The following KRT37 variants were observed in gnomAD, a reference collection of about 807,000 sequenced individuals.
KRT37 encodes keratin, type I cuticular Ha7.
A neutral mutation model predicts 41.9 loss-of-function variants in KRT37; 38 were observed. That is an observed-to-expected ratio of 0.91 (90% confidence interval 0.70 to 1.19). The LOEUF (loss-of-function observed/expected upper bound fraction) is 1.19, where lower values mean the gene tolerates loss of function less well. Ranked by LOEUF, KRT37 falls within the 50% of genes most tolerant of loss-of-function variation. KRT37 has a pLI of 0.00. For synonymous variants in KRT37, 252 were observed against 243.4 expected, an observed-to-expected ratio of 1.04 and a Z score of -0.33; for missense variants, 580 against 575.5, an observed-to-expected ratio of 1.01 and a Z score of -0.08.
In KRT37 at chr17:41,422,141, G is replaced by A. The variant is rs1279858624; in HGVS notation, c.948C>T (p.Cys316=). The change falls in exon 5 of 7, where the codon TGC becomes TGT. Residue 316 remains cysteine (C), a synonymous_variant. Coordinates refer to ENST00000225550, the MANE Select transcript of KRT37 (RefSeq NM_003770.5). ...AMSCSEELQC[C]QSEILELRCT... is the part of the protein sequence containing the mutation. ...ATCTCAGCTCCAGGATCTCCGACTG[G>A]CAGCACTGCAGCTCCTCGGAGCAGG... is the stretch of plus-strand genomic sequence containing the variant. 1.6e-5 allele frequency: 26 copies of A among 1,614,062 alleles called. No individual in the cohort carries two copies. The highest frequency in any genetic ancestry group is 4.4e-5 in the South Asian group (4 of 91,088).
In KRT37 at chr17:41,422,807, G is replaced by T. The variant is rs78158550; in HGVS notation, c.703C>A (p.Gln235Lys). ...TCGTGGTTGCTCTTGAGGGAGAGCT[G>T]CTCCTCCTTCAGGGACTCCTGCTGG... is the stretch of plus-strand genomic sequence containing the variant. ...EAQQESLKEEQLSLKSNHEQE... is the reference protein window; with the variant it reads ...EAQQESLKEEKLSLKSNHEQE... Residue 235 changes from glutamine (Q) to lysine (K), a missense_variant, in exon 3 of 7, where the codon CAG becomes AAG. Physicochemically the swap from Gln to Lys is moderately conservative, Grantham distance 53. Coordinates refer to ENST00000225550, the MANE Select transcript of KRT37 (RefSeq NM_003770.5). 1.2e-6 allele frequency: 2 copies of T among 1,600,694 alleles called. No individual in the cohort carries two copies. Among genetic ancestry groups the T allele is most frequent in the East Asian group, 4.5e-5 (2 of 44,228 alleles).
chr17:41,420,652 C>A lies in KRT37; in HGVS notation c.*226G>T. The stretch of plus-strand genomic sequence containing the variant: ...GAACTAAAAGTACCAAGAAGAGACA[C>A]CAGGAAAAATAATTGCTTTCATGGA... On this transcript the variant is annotated 3_prime_UTR_variant, in exon 7 of 7. Coordinates refer to ENST00000225550, the MANE Select transcript of KRT37 (RefSeq NM_003770.5). 1 of 450,252 alleles carries A rather than the reference C, an allele frequency of 2.2e-6. No individual in the cohort carries two copies. Among genetic ancestry groups the A allele is most frequent in the Non-Finnish European group, 3.9e-6 (1 of 255,946 alleles). 27.9% of individuals were successfully genotyped at this position (450,252 alleles called of 1,614,324 possible).
In KRT37 at chr17:41,424,197, C is replaced by G; in HGVS notation, c.327G>C (p.Lys109Asn). The change falls in exon 1 of 7, where the codon AAG (lysine) becomes AAC (asparagine). Residue 109 changes from lysine (K) to asparagine (N), a missense_variant. Lys to Asn is a moderately conservative substitution (Grantham distance 94, BLOSUM62 0). Transcript: ENST00000225550. ...AGTTGGCCAGGCGGTCATTCAGGAA[C>G]TTCATGGTCTCCTTCTCATGGCCAT... ...TLNGHEKETM[K>N]FLNDRLANYL... 1.9e-6 allele frequency: 3 copies of G among 1,614,242 alleles called. No individual in the cohort carries two copies. The highest frequency in any genetic ancestry group is 2.5e-6 in the Non-Finnish European group (3 of 1,180,042).
At chr17:41,423,065 C>T in intron 2 of KRT37, 131 bp from the exon 3 acceptor site, 1 of 1,094,786 alleles carries the variant, frequency 9.1e-7, no homozygotes, top group Non-Finnish European at 1.3e-6. Context: ...ATTCTCAACC[C>T]TGCAGCGACA....
chr17:41,421,981 A>C (rs2018544787), intron 5 of KRT37, 88 bp downstream of exon 5: 3 of 1,597,696 alleles, frequency 1.9e-6, no homozygotes, highest in African/African-American at 2.7e-5. Context: ...TTAATGTTGA[A>C]GGAACTGATT....
rs1173235069 is a variant in KRT37 at position 41,422,954 on chromosome 17, A to G, written c.576-20T>C. ...TCCAGCCTTCCGTCACAGGAGGCAC[A>G]GGGTCAAAAAGAATGCCCCAATAGC... On this transcript the variant is annotated intron_variant, in intron 2 of 6. Coordinates refer to ENST00000225550, the MANE Select transcript of KRT37 (RefSeq NM_003770.5). The G allele has an allele frequency of 6.2e-7, 1 of 1,603,808 alleles. No homozygotes were observed.
At chr17:41,423,947 A>G (rs964690259) in intron 1 of KRT37, 85 bp downstream of exon 1, 1 of 1,603,758 alleles carries the variant, frequency 6.2e-7, no homozygotes, top group South Asian at 1.1e-5. Flanking sequence ...CAAGAACCCA[A>G]AGCTCTCTGG....
intron 2 of KRT37, 42 bp from the exon 3 acceptor site, chr17:41,422,976 T>TA: frequency 1.9e-6 from 3 of 1,588,124 alleles, no homozygotes; most frequent in Non-Finnish European, 2.6e-6. Context: ...AATGCCCCAA[T>TA]AGCCCCTCTC....
intron 3 of KRT37, 42 bp downstream of exon 3, chr17:41,422,736 G>A: frequency 6.7e-7 from 1 of 1,496,736 alleles, no homozygotes; most frequent in Non-Finnish European, 9.0e-7. Context: ...TCCCCTGTCT[G>A]CCCAGCGCCC....
rs764662391 is a variant in KRT37 at position 41,423,992 on chromosome 17, C to T, written c.492+40G>A. The T allele has an allele frequency of 1.0e-5, 16 of 1,605,242 alleles. No individual in the cohort carries two copies. In the South Asian group the frequency reaches 1.7e-4, roughly 17 times the overall value. On this transcript the variant is annotated intron_variant, in intron 1 of 6. Coordinates refer to ENST00000225550, the MANE Select transcript of KRT37 (RefSeq NM_003770.5). ...AGATTCCTCCTGCGAAGGCTTCTGC[C>T]TTCTCAGACCCAGCATGCCCAGGCG...
chr17:41,422,222 C>G (rs780780484), intron 4 of KRT37, 28 bp from the exon 5 acceptor site: 1 of 1,614,018 alleles, frequency 6.2e-7, no homozygotes, highest in Non-Finnish European at 8.5e-7. Flanking sequence ...ACAGTCACCT[C>G]CCTGCTCAGA....
intron 1 of KRT37, 23 bp downstream of exon 1, chr17:41,424,009 G>A (rs779702347): frequency 1.4e-5 from 23 of 1,608,896 alleles, no homozygotes; most frequent in Non-Finnish European, 1.9e-5. Context: ...GACCCAGCAT[G>A]CCCAGGCGAT....
At chr17:41,423,027 T>G in intron 2 of KRT37, 93 bp from the exon 3 acceptor site, 1 of 1,455,034 alleles carries the variant, frequency 6.9e-7, no homozygotes, top group Non-Finnish European at 9.3e-7. Flanking sequence ...CCTTGGATCC[T>G]TATTTGTTCA....
At position 41,424,491 on chromosome 17, in the gene KRT37, A is replaced by G; in HGVS notation, c.33T>C (p.Pro11=). The G allele has an allele frequency of 6.3e-7, 1 of 1,592,854 alleles. No individual in the cohort carries two copies. The highest frequency in any genetic ancestry group is 8.6e-7 in the Non-Finnish European group (1 of 1,166,016). The change falls in exon 1 of 7, where the codon CCT becomes CCC. Residue 11 remains proline (P), a synonymous_variant. Coordinates refer to ENST00000225550, the MANE Select transcript of KRT37 (RefSeq NM_003770.5). MTSFYSTSSC[P]LGCTMAPGAR... is the part of the protein sequence containing the mutation. ...CTCCAGGAGCCATGGTGCAACCCAG[A>G]GGGCATGAGGAGGTGCTGTAGAAGG...
In KRT37 at chr17:41,421,424, G is replaced by A; in HGVS notation, c.1184C>T (p.Ala395Val). Residue 395 changes from alanine to valine, a missense_variant, in exon 6 of 7, where the codon GCC becomes GTC. Transcript: ENST00000225550. ...TGTGGCAATCTCGTTCTCCAACCGG[G>A]CCTTCACGTCCAGCAGCACCTGGTA... is the stretch of plus-strand genomic sequence containing the variant. Reference protein sequence around the residue: ...QEYQVLLDVKARLENEIATYR... With the variant: ...QEYQVLLDVKVRLENEIATYR... 6 of 1,614,216 alleles carry A rather than the reference G, an allele frequency of 3.7e-6. No individual in the cohort carries two copies. The highest frequency in any genetic ancestry group is 4.2e-6 in the Non-Finnish European group (5 of 1,180,046).
intron 2 of KRT37, chr17:41,423,322 C>T (rs1026070721): frequency 1.6e-5 from 4 of 251,214 alleles, no homozygotes; most frequent in African/African-American, 8.9e-5. Flanking sequence ...CATTATTTCT[C>T]GTTGTTTTCT....
chr17:41,423,380 A>G, intron 2 of KRT37: 1 of 245,776 alleles, frequency 4.1e-6, no homozygotes, highest in Non-Finnish European at 7.7e-6. Context: ...AAGGAGCTTC[A>G]ATGACAATTC....
intron 2 of KRT37, 36 bp downstream of exon 2, chr17:41,423,726 A>G (rs2018573750): frequency 1.3e-6 from 2 of 1,593,910 alleles, no homozygotes; most frequent in Middle Eastern, 3.3e-4. Context: ...ATACAGCAGG[A>G]GAGAAGTCAC....
rs2018582023 is a variant in KRT37, at chr17:41,424,155, G to A, written c.369C>T (p.Arg123=). Residue 123 remains arginine (R), a synonymous_variant, in exon 1 of 7, where the codon CGC becomes CGT. Transcript: ENST00000225550. ...GCTCTGCATTCTCCTGCTCCAGCTGGCGCACCTTCTCCAGGTAGTTGGCCA... is the reference window on the plus strand; with the variant it reads ...GCTCTGCATTCTCCTGCTCCAGCTGACGCACCTTCTCCAGGTAGTTGGCCA... ...DRLANYLEKV[R]QLEQENAELE... The A allele has an allele frequency of 6.2e-7, 1 of 1,614,238 alleles. No homozygotes were observed. The highest frequency in any genetic ancestry group is 1.3e-5 in the African/African-American group (1 of 75,054).
Sources: allele counts gnomAD v4.1 joint callset, GRCh38; gene constraint gnomAD v4.1.1; transcripts MANE v1.5; gene names NCBI Gene and HGNC (gene_info 2026-07-23, HGNC 2026-07-21).